ESRRG: variants seen among roughly 807,000 people sequenced by gnomAD.
ESRRG encodes the protein estrogen related receptor gamma, also known as estrogen-related receptor gamma.
ESRRG carries 13 observed loss-of-function variants against 44.0 expected under a neutral mutation model. The observed-to-expected ratio is 0.30, with a 90% CI of 0.19 to 0.47. The LOEUF is 0.47. ESRRG is among the 20% of genes least tolerant of loss of function. The probability of loss-of-function intolerance (pLI) is 1.00; values close to 1 mark genes in which losing one functional copy is unlikely to be tolerated. For missense variants in ESRRG, 395 were observed against 580.6 expected (o/e 0.68, Z 3.29); for synonymous variants, 215 against 214.6 (o/e 1.00, Z -0.02).
Position 217,123,481 on chromosome 1 carries a change from T to G in ESRRG, c.-230+14186A>C, listed in dbSNP as rs577120384. On this transcript the variant is annotated intron_variant, in intron 1 of 8. Coordinates refer to the ESRRG transcript ENST00000366940. ...ATGTTCATTGCAGCACTATTCACAA[T>G]AACAAAGACATGGAACCAACCCAAA... Among the ~76,000 whole-genome samples the G allele has an allele frequency of 2.4e-4, 36 of 152,150 alleles. 1 individual carries two copies. In the South Asian group the frequency reaches 5.0e-3, roughly 21 times the overall value.
At chr1:216,707,309 A>C in intron 1 of ESRRG, 1 of 1,531,026 alleles carries the variant, frequency 6.5e-7, no homozygotes, top group Non-Finnish European at 8.7e-7. Flanking sequence ...TTAAGATTTA[A>C]TGGCAACTTT....
At chr1:216,786,172 C>T (rs952438333) in intron 2 of ESRRG, among the ~76,000 whole-genome samples, 3 of 152,006 alleles carry the variant, frequency 2.0e-5, no homozygotes, top group African/African-American at 7.2e-5. Flanking sequence ...CTAAGGGATT[C>T]TCTCTTCTAT....
At chr1:216,664,605 G>A (rs1468013460) in intron 2 of ESRRG, among the ~76,000 whole-genome samples, 1 of 149,462 alleles carries the variant, frequency 6.7e-6, no homozygotes, top group Non-Finnish European at 1.5e-5. Context: ...TAGAACTTTG[G>A]TGTATATATA....
chr1:216,682,280 T>C (rs2151578960), intron 1 of ESRRG, among the ~76,000 whole-genome samples: 1 of 152,348 alleles, frequency 6.6e-6, no homozygotes, highest in South Asian at 2.1e-4. Flanking sequence ...CTTCTGCAAC[T>C]TTTACTATAT....
Position 216,651,079 on chromosome 1 carries a change from T to A in ESRRG, c.483A>T (p.Glu161Asp). Residue 161 changes from glutamate to aspartate, a missense_variant, in exon 3 of 7, where the codon GAA becomes GAT. Physicochemically the swap from Glu to Asp is conservative, Grantham distance 45. Transcript: ENST00000408911. ...FFKRTIQGNI[E>D]YSCPATNECE... ...ATTCATTCGTGGCAGGGCAGCTGTA[T>A]TCTATATTGCCTAAAACACAAGTTT... 6.2e-7 allele frequency: 1 copy of A among 1,601,556 alleles called. No homozygotes were observed. Among genetic ancestry groups the A allele is most frequent in the African/African-American group, 1.3e-5 (1 of 74,718 alleles).
chr1:216,669,894 G>GA (rs57887484), intron 2 of ESRRG, among the ~76,000 whole-genome samples: 44,966 of 148,566 alleles, frequency 0.3, 6,840 homozygotes, highest in African/African-American at 0.36. Flanking sequence ...TCAAAAAAAA[G>GA]AAAAAAAAAA....
At chr1:216,628,627 A>G (rs1383810973) in intron 3 of ESRRG, among the ~76,000 whole-genome samples, 1 of 152,228 alleles carries the variant, frequency 6.6e-6, no homozygotes. Flanking sequence ...CATTCTGAAA[A>G]TGACAACAAG....
At chr1:217,026,036 C>T (rs1360073555) in intron 1 of ESRRG, among the ~76,000 whole-genome samples, 3 of 152,278 alleles carry the variant, frequency 2.0e-5, no homozygotes, top group Admixed American at 1.3e-4. Context: ...AGAGGACCAC[C>T]TTTGCCCCAC....
At chr1:216,655,133 G>A (rs1434128686) in intron 2 of ESRRG, among the ~76,000 whole-genome samples, 1 of 152,156 alleles carries the variant, frequency 6.6e-6, no homozygotes, top group African/African-American at 2.4e-5. Flanking sequence ...AAATGTAAAA[G>A]CAGGGGAGGT....
intron 1 of ESRRG, among the ~76,000 whole-genome samples, chr1:216,955,045 T>A (rs1185782948): frequency 6.6e-6 from 1 of 152,180 alleles, no homozygotes; most frequent in Non-Finnish European, 1.5e-5. Context: ...TTCTTTGCAT[T>A]GGGAACATTC....
At chr1:216,618,209 TAAAA>T (rs1341898872) in intron 3 of ESRRG, among the ~76,000 whole-genome samples, 1 of 152,184 alleles carries the variant, frequency 6.6e-6, no homozygotes, top group African/African-American at 2.4e-5. Flanking sequence ...AATTTGAGAG[TAAAA>T]TTACACTTGC....
intron 3 of ESRRG, among the ~76,000 whole-genome samples, chr1:216,593,868 C>A (rs1214468585): frequency 6.6e-6 from 1 of 152,086 alleles, no homozygotes; most frequent in Admixed American, 6.5e-5. Context: ...AAAGCTGGTA[C>A]CACAAGTGCA....
intron 3 of ESRRG, among the ~76,000 whole-genome samples, chr1:216,597,829 T>G (rs1213882508): frequency 6.6e-6 from 1 of 152,152 alleles, no homozygotes; most frequent in Non-Finnish European, 1.5e-5. Flanking sequence ...ATTTAAGGAG[T>G]GACGTAGTGT....
intron 5 of ESRRG, among the ~76,000 whole-genome samples, chr1:216,540,476 C>A (rs1039007477): frequency 1.3e-5 from 2 of 151,926 alleles, no homozygotes; most frequent in Non-Finnish European, 2.9e-5. Context: ...CTAAAATATT[C>A]ATTAAATGTA....
chr1:216,553,854 G>A (rs968770131), intron 5 of ESRRG, among the ~76,000 whole-genome samples: 1 of 151,806 alleles, frequency 6.6e-6, no homozygotes, highest in Non-Finnish European at 1.5e-5. Context: ...TAAAAATTGT[G>A]GACTACTCCA....
intron 2 of ESRRG, among the ~76,000 whole-genome samples, chr1:216,741,936 G>A (rs1400338343): frequency 6.6e-6 from 1 of 151,982 alleles, no homozygotes. Context: ...GGTTTCATTG[G>A]TCTCTCTCCC....
In ESRRG at chr1:216,756,782, T is replaced by C. The variant is rs186773095; in HGVS notation, c.-13-79291A>G. Among the ~76,000 whole-genome samples the C allele has an allele frequency of 1.1e-3, 160 of 152,186 alleles. 1 individual carries two copies. The highest frequency in any genetic ancestry group is 1.9e-3 in the Non-Finnish European group (128 of 67,964). On this transcript the variant is annotated intron_variant, in intron 2 of 7. Coordinates refer to the ESRRG transcript ENST00000359162. ...AGTACTCTCATTATATTCTATCATG[T>C]AATAGAAAAGTTGTACACTTTAAAT...
Position 216,506,525 on chromosome 1 carries a change from T to TA in ESRRG, c.*413dup. ...AAAGGGGGAAGGGAGGATTTTTTTT[T>TA]AAACTAAAGCTATTTCAAATTTAGA... On this transcript the variant is annotated 3_prime_UTR_variant, in exon 7 of 7. Coordinates refer to ENST00000408911, the MANE Select transcript of ESRRG (RefSeq NM_001438.4). 1.2e-5 allele frequency: 5 copies of TA among 407,582 alleles called. No individual in the cohort carries two copies. The highest frequency in any genetic ancestry group is 7.4e-5 in the East Asian group (1 of 13,546). The allele number at this position is 407,582 out of a possible 1,614,324, so 25.2% of individuals were successfully genotyped here.
intron 2 of ESRRG, among the ~76,000 whole-genome samples, chr1:216,732,149 T>TA (rs66484151): frequency 0.063 from 9,089 of 143,558 alleles, 341 homozygotes; most frequent in African/African-American, 0.093. Flanking sequence ...TTTGTCAACA[T>TA]AAAAAAAAAA....
Sources: allele counts gnomAD v4.1 joint callset (sites outside exome capture counted in the v4.1 genomes callset), GRCh38; gene constraint gnomAD v4.1.1; transcripts MANE v1.5; gene names NCBI Gene and HGNC (gene_info 2026-07-23, HGNC 2026-07-21).